CYRIB: variants seen among roughly 807,000 people sequenced by gnomAD.
CYRIB encodes the protein CYFIP related Rac1 interactor B.
Under a neutral mutation model 44.2 loss-of-function variants are expected in CYRIB, and 8 were observed. That is an observed-to-expected ratio of 0.18 (90% confidence interval 0.11 to 0.33). The LOEUF (loss-of-function observed/expected upper bound fraction) is 0.33, where lower values mean the gene tolerates loss of function less well. CYRIB is among the 10% of genes least tolerant of loss of function. The pLI, the probability that CYRIB is intolerant of heterozygous loss-of-function variation, is 1.00. For synonymous variants in CYRIB, 131 were observed against 127.2 expected (o/e 1.03, Z -0.20); for missense variants, 185 against 382.8 (o/e 0.48, Z 4.31).
rs540153726 is a variant in CYRIB at position 129,952,439 on chromosome 8, G to A, written c.-243+18504C>T. On this transcript the variant is annotated intron_variant, in intron 2 of 14. Transcript: ENST00000401979. ...ATACGTAATAAAGTTATATATAATA[G>A]AATGCAAAATTGTATATACAATTAA... Among the ~76,000 whole-genome samples, 92 of 152,196 alleles carry A rather than the reference G, an allele frequency of 6.0e-4. 1 individual carries two copies. The highest frequency in any genetic ancestry group is 6.8e-3 in the Middle Eastern group (2 of 294).
intron 4 of CYRIB, among the ~76,000 whole-genome samples, chr8:129,870,321 G>T (rs1220571869): frequency 6.6e-6 from 1 of 152,192 alleles, no homozygotes; most frequent in Non-Finnish European, 1.5e-5. Flanking sequence ...GAGGCAAGAC[G>T]ATCACTTGAG....
intron 2 of CYRIB, among the ~76,000 whole-genome samples, chr8:129,901,255 C>T (rs2071668523): frequency 6.6e-6 from 1 of 152,096 alleles, no homozygotes; most frequent in Admixed American, 6.6e-5. Flanking sequence ...GAGTATCTAG[C>T]TCTGTTGCCC....
intron 1 of CYRIB, among the ~76,000 whole-genome samples, chr8:129,982,613 AACTT>A (rs2096279968): frequency 6.6e-6 from 1 of 152,160 alleles, no homozygotes; most frequent in South Asian, 2.1e-4. Context: ...AATCCTCACA[AACTT>A]ACTTTGCAAC....
At chr8:129,879,660 G>A (rs148102845) in intron 2 of CYRIB, 189 bp from the exon 5 acceptor site, 540 of 530,178 alleles carry the variant, frequency 1.0e-3, no homozygotes, top group Non-Finnish European at 1.5e-3. Flanking sequence ...GGACCTAGAG[G>A]TGAAATGTGG....
At chr8:129,892,793 C>T (rs775818297) in intron 2 of CYRIB, among the ~76,000 whole-genome samples, 7 of 151,920 alleles carry the variant, frequency 4.6e-5, no homozygotes, top group Admixed American at 6.6e-5. Flanking sequence ...CAGCTACATA[C>T]GATAAAGATG....
chr8:129,882,378 C>T (rs1044160497), intron 2 of CYRIB, among the ~76,000 whole-genome samples: 2 of 152,146 alleles, frequency 1.3e-5, no homozygotes, highest in African/African-American at 4.8e-5. Flanking sequence ...TAAGCACTGA[C>T]TCAGTGTCTG....
At chr8:129,843,511 G>A (rs10093443) in intron 11 of CYRIB, among the ~76,000 whole-genome samples, 2,491 of 152,324 alleles carry the variant, frequency 0.016, 59 homozygotes, top group African/African-American at 0.052. Flanking sequence ...ACTGTATTTT[G>A]GAGATAACCC....
At chr8:129,962,097 A>C (rs2095287125) in intron 2 of CYRIB, among the ~76,000 whole-genome samples, 1 of 152,264 alleles carries the variant, frequency 6.6e-6, no homozygotes, top group Non-Finnish European at 1.5e-5. Context: ...CATACAAAAA[A>C]TTAGCCACGC....
intron 1 of CYRIB, among the ~76,000 whole-genome samples, chr8:129,923,259 C>T (rs1361385981): frequency 1.3e-5 from 1 of 78,820 alleles, no homozygotes; most frequent in Non-Finnish European, 2.6e-5. Context: ...AAAATCTCCA[C>T]CTAAGTCTAC....
chr8:129,983,462 A>AAT lies in CYRIB; in HGVS notation c.-295-12469_-295-12468dup, dbSNP rs199881625. ...TCCATCTCAACAAAAAAGAAAAATA[A>AAT]ATATATATATATGTATAAAAAATAA... is the stretch of plus-strand genomic sequence containing the variant. On this transcript the variant is annotated intron_variant, in intron 1 of 14. Transcript: ENST00000401979. Among the ~76,000 whole-genome samples the AAT allele has an allele frequency of 6.8e-3, 1,026 of 151,916 alleles. 8 individuals carry two copies. The highest frequency in any genetic ancestry group is 0.024 in the South Asian group (115 of 4,812).
At chr8:129,843,893 G>C (rs558622719) in intron 11 of CYRIB, 1 of 152,142 alleles carries the variant, frequency 6.6e-6, no homozygotes, top group African/African-American at 2.4e-5. Flanking sequence ...AGGTATCAGC[G>C]TGCCTGGCAC....
chr8:130,009,411 G>A (rs1362919086), intron 1 of CYRIB, among the ~76,000 whole-genome samples: 3 of 152,028 alleles, frequency 2.0e-5, no homozygotes, highest in Non-Finnish European at 4.4e-5. Flanking sequence ...GGGATTACAG[G>A]TGCCAGCCAA....
At chr8:129,874,759 C>A (rs1371604119) in intron 3 of CYRIB, among the ~76,000 whole-genome samples, 2 of 151,976 alleles carry the variant, frequency 1.3e-5, no homozygotes, top group Non-Finnish European at 2.9e-5. Context: ...AGAAAGATGA[C>A]ACCAGAATAA....
At chr8:129,888,019 C>T (rs967862418) in intron 2 of CYRIB, among the ~76,000 whole-genome samples, 1 of 152,076 alleles carries the variant, frequency 6.6e-6, no homozygotes, top group African/African-American at 2.4e-5. Context: ...TTATATTTTG[C>T]AATGTGAGAA....
intron 1 of CYRIB, among the ~76,000 whole-genome samples, chr8:129,908,958 A>C (rs2136167535): frequency 1.3e-5 from 2 of 152,170 alleles, no homozygotes; most frequent in South Asian, 4.1e-4. Flanking sequence ...TTTTAAAAAA[A>C]TGTTTTTAAA....
chr8:130,009,257 G>A (rs2097169343), intron 1 of CYRIB, among the ~76,000 whole-genome samples: 1 of 150,366 alleles, frequency 6.7e-6, no homozygotes, highest in African/African-American at 2.5e-5. Context: ...CATCTGAGGA[G>A]TTCAAAAGCA....
upstream of CYRIB, among the ~76,000 whole-genome samples, chr8:129,942,113 G>A (rs1311306221): frequency 1.3e-5 from 2 of 152,120 alleles, no homozygotes; most frequent in African/African-American, 2.4e-5. Context: ...GGCTGAAGCA[G>A]GTGGATCACG....
intron 2 of CYRIB, among the ~76,000 whole-genome samples, chr8:129,893,405 T>C (rs1352145324): frequency 6.6e-6 from 1 of 152,090 alleles, no homozygotes; most frequent in African/African-American, 2.4e-5. Context: ...CAAAGGGCAT[T>C]CTGAACACAC....
chr8:129,960,785 C>T (rs1412592787), intron 2 of CYRIB, among the ~76,000 whole-genome samples: 4 of 148,826 alleles, frequency 2.7e-5, no homozygotes, highest in Non-Finnish European at 4.5e-5. Context: ...CCCCCATCTC[C>T]ACTAAAAATA....
Sources: allele counts gnomAD v4.1 joint callset (sites outside exome capture counted in the v4.1 genomes callset), GRCh38; gene constraint gnomAD v4.1.1; transcripts MANE v1.5; gene names NCBI Gene and HGNC (gene_info 2026-07-23, HGNC 2026-07-21).